The following CPED1 variants were observed in gnomAD, a reference collection of about 807,000 sequenced individuals.
CPED1 encodes cadherin like and PC-esterase domain containing 1.
In CPED1, 114 loss-of-function variants were observed where a neutral mutation model predicts 128.2. The ratio of observed to expected loss-of-function variants is 0.89; its 90% CI spans 0.76 to 1.04. CPED1 has a LOEUF of 1.04. Among genes scored for constraint, CPED1 ranks in the 50% least tolerant of loss-of-function variants. The pLI, the probability that CPED1 is intolerant of heterozygous loss-of-function variation, is 0.00. For missense variants in CPED1, 1,211 were observed against 1,207.1 expected (o/e 1.00, Z -0.05); for synonymous variants, 462 against 426.7 (o/e 1.08, Z -1.02).
At chr7:121,116,637 A>T (rs947440029) in intron 7 of CPED1, among the ~76,000 whole-genome samples, 2 of 152,168 alleles carry the variant, frequency 1.3e-5, no homozygotes, top group Non-Finnish European at 2.9e-5. Flanking sequence ...TCTGGATTTC[A>T]GGGTCCATCC....
chr7:121,239,011 G>A (rs956038538), intron 17 of CPED1, among the ~76,000 whole-genome samples: 3 of 152,100 alleles, frequency 2.0e-5, no homozygotes, highest in African/African-American at 7.2e-5. Context: ...AGCTCCAAAA[G>A]GCCCAAAGAC....
At chr7:121,142,240 C>CT in intron 16 of CPED1, 99 bp downstream of exon 16, 3 of 1,111,882 alleles carry the variant, frequency 2.7e-6, no homozygotes, top group Non-Finnish European at 3.9e-6. Flanking sequence ...AATTGTATGC[C>CT]TTGAAATCGA....
intron 16 of CPED1, among the ~76,000 whole-genome samples, chr7:121,179,805 A>G (rs1305567264): frequency 2.6e-5 from 4 of 152,092 alleles, no homozygotes; most frequent in African/African-American, 9.7e-5. Flanking sequence ...TTTAATTAGT[A>G]TAAGACAAAG....
intron 4 of CPED1, chr7:121,051,165 A>G (rs1793342753): frequency 1.9e-6 from 1 of 527,166 alleles, no homozygotes; most frequent in Non-Finnish European, 3.8e-6. Flanking sequence ...AGGAGAGTCC[A>G]GCCTCTGATG....
rs373736263 is a variant in CPED1 at position 121,130,225 on chromosome 7, G to T, written c.1508G>T (p.Trp503Leu). Reference protein sequence around the residue: ...GNPGSVLTQYWSLLNVFEQFQ... With the variant: ...GNPGSVLTQYLSLLNVFEQFQ... Reference sequence around the variant, plus strand: ...CCTGGCTCAGTCCTGACCCAATACTGGTCTCTTTTAAATGTATTTGAACAA... The same window carrying T: ...CCTGGCTCAGTCCTGACCCAATACTTGTCTCTTTTAAATGTATTTGAACAA... The change falls in exon 12 of 23, where the codon TGG becomes TTG. Residue 503 changes from tryptophan (W) to leucine (L), a missense_variant. Transcript: ENST00000310396. 1.9e-6 allele frequency: 3 copies of T among 1,611,354 alleles called. No individual in the cohort carries two copies. In the African/African-American group the frequency reaches 4.0e-5, roughly 22 times the overall value.
At chr7:121,050,711 G>C (rs965886113) in intron 4 of CPED1, 2 of 424,330 alleles carry the variant, frequency 4.7e-6, no homozygotes, top group Non-Finnish European at 9.6e-6. Context: ...GTGATCCACC[G>C]CCTCGGCCTC....
chr7:121,151,339 C>G (rs1382452286), intron 16 of CPED1, among the ~76,000 whole-genome samples: 1 of 152,164 alleles, frequency 6.6e-6, no homozygotes, highest in Non-Finnish European at 1.5e-5. Flanking sequence ...ATATTACTAG[C>G]AGTGACACAC....
intron 4 of CPED1, chr7:121,051,323 T>G (rs1420914750): frequency 4.4e-6 from 2 of 451,102 alleles, no homozygotes; most frequent in Admixed American, 2.9e-5. Context: ...GAAACATTTT[T>G]AAGAAGGAGG....
chr7:121,234,721 G>A (rs1169892440), intron 16 of CPED1, among the ~76,000 whole-genome samples: 5 of 150,808 alleles, frequency 3.3e-5, no homozygotes, highest in African/African-American at 4.9e-5. Context: ...GAACACTACC[G>A]TCATCCAGAT....
At chr7:121,163,460 C>T (rs1796455968) in intron 16 of CPED1, among the ~76,000 whole-genome samples, 1 of 152,204 alleles carries the variant, frequency 6.6e-6, no homozygotes, top group Non-Finnish European at 1.5e-5. Flanking sequence ...ACCACCCCGA[C>T]TCCCACTGTC....
intron 3 of CPED1, among the ~76,000 whole-genome samples, chr7:121,017,508 G>A (rs1008858754): frequency 7.9e-5 from 12 of 151,840 alleles, no homozygotes; most frequent in African/African-American, 2.7e-4. Flanking sequence ...TCACTAAAGG[G>A]GTGATTGTAT....
At chr7:121,188,225 A>G (rs190739091) in intron 16 of CPED1, among the ~76,000 whole-genome samples, 26 of 152,258 alleles carry the variant, frequency 1.7e-4, no homozygotes, top group Admixed American at 1.7e-3. Flanking sequence ...AATACGATTG[A>G]CCATATGTTG....
chr7:121,268,084 G>T (rs927286021), intron 21 of CPED1, among the ~76,000 whole-genome samples: 1 of 152,052 alleles, frequency 6.6e-6, no homozygotes, highest in African/African-American at 2.4e-5. Flanking sequence ...GTTAGCAGGG[G>T]TTAAGTTAAT....
chr7:121,055,987 T>C (rs1793490646), intron 4 of CPED1, among the ~76,000 whole-genome samples: 1 of 152,090 alleles, frequency 6.6e-6, no homozygotes, highest in Admixed American at 6.5e-5. Flanking sequence ...ATTATTATGA[T>C]AATAGTGTTA....
chr7:121,274,096 T>C (rs1050206059), intron 22 of CPED1, among the ~76,000 whole-genome samples: 1 of 152,148 alleles, frequency 6.6e-6, no homozygotes, highest in Admixed American at 6.5e-5. Flanking sequence ...CTACTTTTCT[T>C]TTTTTAGCTT....
At chr7:121,145,637 C>A (rs1796007832) in intron 16 of CPED1, among the ~76,000 whole-genome samples, 1 of 152,044 alleles carries the variant, frequency 6.6e-6, no homozygotes. Flanking sequence ...AATTTTCTCA[C>A]CATAGATTCC....
chr7:121,044,788 T>C (rs985037249), intron 3 of CPED1, among the ~76,000 whole-genome samples: 1 of 152,034 alleles, frequency 6.6e-6, no homozygotes, highest in African/African-American at 2.4e-5. Context: ...CTTAAATATA[T>C]ATTTCTATCA....
chr7:121,212,139 T>C (rs1357756), intron 16 of CPED1, among the ~76,000 whole-genome samples: 92,480 of 151,776 alleles, frequency 0.61, 28,571 homozygotes, highest in East Asian at 0.88. Context: ...TGAACCGATA[T>C]GGCTGTGTTG....
At chr7:121,151,250 C>T (rs190635879) in intron 16 of CPED1, among the ~76,000 whole-genome samples, 94 of 152,192 alleles carry the variant, frequency 6.2e-4, no homozygotes, top group Middle Eastern at 6.8e-3. Flanking sequence ...TATATATGCC[C>T]AATGCCGTAT....
Sources: allele counts gnomAD v4.1 joint callset (sites outside exome capture counted in the v4.1 genomes callset), GRCh38; gene constraint gnomAD v4.1.1; transcripts MANE v1.5; gene names NCBI Gene and HGNC (gene_info 2026-07-23, HGNC 2026-07-21).